FAM204A: variants seen among roughly 807,000 people sequenced by gnomAD.
FAM204A encodes family with sequence similarity 204 member A.
Under a neutral mutation model 35.4 loss-of-function variants are expected in FAM204A, and 16 were observed. The ratio of observed to expected loss-of-function variants is 0.45; its 90% CI spans 0.31 to 0.69. The LOEUF (loss-of-function observed/expected upper bound fraction) is 0.69, where lower values mean the gene tolerates loss of function less well. FAM204A is among the 30% of genes least tolerant of loss of function. FAM204A has a pLI of 0.07. For synonymous variants in FAM204A, 76 were observed against 86.9 expected, an observed-to-expected ratio of 0.88 and a Z score of 0.70; for missense variants, 240 against 265.7, an observed-to-expected ratio of 0.90 and a Z score of 0.67.
Position 118,311,331 on chromosome 10 carries a change from G to A in FAM204A, c.544-18C>T, listed in dbSNP as rs1346600822. 1.2e-4 allele frequency: 159 copies of A among 1,347,684 alleles called. No homozygotes were observed. The highest frequency in any genetic ancestry group is 7.6e-4 in the Middle Eastern group (4 of 5,234). 83.5% of individuals were successfully genotyped at this position (1,347,684 alleles called of 1,614,324 possible). Reference sequence around the variant, plus strand: ...ACACCAAGCTAAGAATTACAAAGGAGAAAAAAAAAGTGAAAATAAATATTC... The same window carrying A: ...ACACCAAGCTAAGAATTACAAAGGAAAAAAAAAAAGTGAAAATAAATATTC... On this transcript the variant is annotated intron_variant, in intron 7 of 8. Transcript: ENST00000369183.
chr10:118,312,863 G>C (rs1281185723), intron 7 of FAM204A, among the ~76,000 whole-genome samples: 1 of 152,198 alleles, frequency 6.6e-6, no homozygotes, highest in African/African-American at 2.4e-5. Context: ...GCTGGAGGTA[G>C]AGCATTGAGT....
chr10:118,334,609 A>T lies in FAM204A; in HGVS notation c.453+505T>A, dbSNP rs371548576. On this transcript the variant is annotated intron_variant, in intron 6 of 8. Coordinates refer to ENST00000369183, the MANE Select transcript of FAM204A (RefSeq NM_022063.3). ...AAAAGCCTTTATGACTCTCAACTGC[A>T]TTGTGAATAAAACCCATTTCTTTAC... Among the ~76,000 whole-genome samples the T allele has an allele frequency of 2.1e-4, 32 of 152,290 alleles. No individual in the cohort carries two copies. In the East Asian group the frequency reaches 5.2e-3, roughly 25 times the overall value.
chr10:118,328,488 T>C (rs1452035689), intron 6 of FAM204A, among the ~76,000 whole-genome samples: 2 of 138,392 alleles, frequency 1.4e-5, no homozygotes, highest in Admixed American at 1.8e-4. Flanking sequence ...GAAATATATG[T>C]CAACTGTTTT....
In FAM204A at chr10:118,309,977, A is replaced by C. The variant is rs1845921648; in HGVS notation, c.*880T>G. The stretch of plus-strand genomic sequence containing the variant: ...TCTGAAAGTACACAAAAATTAACAA[A>C]TTGCTTTTACTATGCAACTCTGAAA... On this transcript the variant is annotated 3_prime_UTR_variant, in exon 9 of 9. Transcript: ENST00000369183. The C allele has an allele frequency of 6.6e-6, 1 of 152,168 alleles. No individual in the cohort carries two copies. Among genetic ancestry groups the C allele is most frequent in the African/African-American group, 2.4e-5 (1 of 41,442 alleles). The allele number at this position is 152,168 out of a possible 1,614,324, so 9.4% of individuals were successfully genotyped here.
chr10:118,314,674 G>T (rs938926705), intron 7 of FAM204A, among the ~76,000 whole-genome samples: 1 of 152,136 alleles, frequency 6.6e-6, no homozygotes, highest in Admixed American at 6.5e-5. Flanking sequence ...CTTGGTCAAT[G>T]GTTTAATATT....
intron 7 of FAM204A, among the ~76,000 whole-genome samples, chr10:118,319,689 G>C (rs570990940): frequency 2.7e-4 from 41 of 151,962 alleles, no homozygotes; most frequent in African/African-American, 9.6e-4. Context: ...ATCGTATCAT[G>C]ACTCTAAATC....
chr10:118,319,925 A>G (rs1176615096), intron 7 of FAM204A, among the ~76,000 whole-genome samples: 4 of 151,954 alleles, frequency 2.6e-5, no homozygotes, highest in Non-Finnish European at 4.4e-5. Context: ...CAGAAAAAGG[A>G]TAATCTTTAA....
intron 6 of FAM204A, among the ~76,000 whole-genome samples, chr10:118,332,160 A>C (rs950871938): frequency 1.1e-5 from 1 of 94,902 alleles, no homozygotes; most frequent in Non-Finnish European, 2.4e-5. Flanking sequence ...CAACAGAGCA[A>C]GACTCTGTTT....
chr10:118,321,510 A>G (rs1262164839), intron 7 of FAM204A, among the ~76,000 whole-genome samples: 1 of 151,996 alleles, frequency 6.6e-6, no homozygotes, highest in East Asian at 1.9e-4. Context: ...CACATTAAAC[A>G]CATTTATTTT....
intron 2 of FAM204A, among the ~76,000 whole-genome samples, chr10:118,340,674 A>C (rs1846462870): frequency 6.6e-6 from 1 of 152,202 alleles, no homozygotes; most frequent in South Asian, 2.1e-4. Context: ...AAGGAACCCT[A>C]GTTACAACAG....
In FAM204A at chr10:118,310,917, A is replaced by G. The variant is rs1385026340; in HGVS notation, c.651-9T>C. On this transcript the variant is annotated splice_polypyrimidine_tract_variant and intron_variant, in intron 8 of 8. Transcript: ENST00000369183. Reference sequence around the variant, plus strand: ...TCTTCTTTGCTTCAAACCTAAAAGGAAGAACATACAAATCTCAATTTATTT... The same window carrying G: ...TCTTCTTTGCTTCAAACCTAAAAGGGAGAACATACAAATCTCAATTTATTT... 6.3e-7 allele frequency: 1 copy of G among 1,577,678 alleles called. No individual in the cohort carries two copies.
chr10:118,309,083 A>G lies in FAM204A; in HGVS notation c.*1774T>C, dbSNP rs1252049023. 1 of 152,210 alleles carries G rather than the reference A, an allele frequency of 6.6e-6. No individual in the cohort carries two copies. The highest frequency in any genetic ancestry group is 6.5e-5 in the Admixed American group (1 of 15,286). The allele number at this position is 152,210 out of a possible 1,614,324, so 9.4% of individuals were successfully genotyped here. On this transcript the variant is annotated 3_prime_UTR_variant, in exon 9 of 9. Coordinates refer to ENST00000369183, the MANE Select transcript of FAM204A (RefSeq NM_022063.3). ...CTATACTAAAAGTCTGTATTTACCT[A>G]ATTTAGCAGTTTGAAATGAATATTG...
intron 6 of FAM204A, among the ~76,000 whole-genome samples, chr10:118,326,671 A>G (rs532223378): frequency 6.6e-6 from 1 of 152,334 alleles, no homozygotes; most frequent in Non-Finnish European, 1.5e-5. Context: ...ACAGAGCCCA[A>G]GACTCCTGAA....
At chr10:118,338,997 G>A (rs1360504190) in intron 2 of FAM204A, among the ~76,000 whole-genome samples, 2 of 151,992 alleles carry the variant, frequency 1.3e-5, no homozygotes, top group Non-Finnish European at 2.9e-5. Context: ...GCATCTGCCT[G>A]GTATGATAAT....
At chr10:118,321,632 CA>C (rs1038566501) in intron 7 of FAM204A, among the ~76,000 whole-genome samples, 4 of 126,782 alleles carry the variant, frequency 3.2e-5, no homozygotes, top group African/African-American at 1.2e-4. Flanking sequence ...TCTCATTTGT[CA>C]AAAAGTGTGA....
intron 6 of FAM204A, among the ~76,000 whole-genome samples, chr10:118,330,899 T>C (rs1337458581): frequency 6.6e-6 from 1 of 152,194 alleles, no homozygotes; most frequent in Non-Finnish European, 1.5e-5. Flanking sequence ...GTTGCAGTTA[T>C]CTTACACATG....
chr10:118,339,913 CTTGTTTGT>C (rs58504765), intron 2 of FAM204A, among the ~76,000 whole-genome samples: 2 of 152,020 alleles, frequency 1.3e-5, no homozygotes, highest in Non-Finnish European at 2.9e-5. Context: ...ACTAGGGTTT[CTTGTTTGT>C]TTGTTTGTTT....
intron 7 of FAM204A, among the ~76,000 whole-genome samples, chr10:118,318,962 C>A (rs1246520254): frequency 6.6e-6 from 1 of 151,126 alleles, no homozygotes; most frequent in Non-Finnish European, 1.5e-5. Context: ...GGACTTCAAG[C>A]TCCTTTTCCA....
At chr10:118,328,564 C>T (rs1009435934) in intron 6 of FAM204A, among the ~76,000 whole-genome samples, 1 of 150,850 alleles carries the variant, frequency 6.6e-6, no homozygotes, top group South Asian at 2.1e-4. Flanking sequence ...GCAATCTCAG[C>T]TCACTGCAAC....
Sources: allele counts gnomAD v4.1 joint callset (sites outside exome capture counted in the v4.1 genomes callset), GRCh38; gene constraint gnomAD v4.1.1; transcripts MANE v1.5; gene names NCBI Gene and HGNC (gene_info 2026-07-23, HGNC 2026-07-21).